CRX: variants seen among roughly 807,000 people sequenced by gnomAD.
CRX encodes the protein cone-rod homeobox, also known as cone-rod homeobox protein.
Under a neutral mutation model 13.1 loss-of-function variants are expected in CRX, and 5 were observed. The ratio of observed to expected loss-of-function variants is 0.38; its 90% CI spans 0.20 to 0.80. CRX has a LOEUF of 0.80. Ranked by LOEUF, CRX falls within the 30% of genes least tolerant of loss-of-function variation. CRX has a pLI of 0.43. For missense variants in CRX, 351 were observed against 391.8 expected (o/e 0.90, Z 0.88); for synonymous variants, 179 against 171.1 (o/e 1.05, Z -0.36).
chr19:47,842,718 GAT>G lies in CRX; in HGVS notation c.*2752_*2753del. On this transcript the variant is annotated 3_prime_UTR_variant, in exon 4 of 4. Coordinates refer to ENST00000221996, the MANE Select transcript of CRX (RefSeq NM_000554.6). ...ACAAAATTCACACGGGAGGGGCAGG[GAT>G]GAGACAATATTGTGCCCTGGGTCTG... 6.6e-6 allele frequency: 1 copy of G among 152,392 alleles called. No homozygotes were observed. The highest frequency in any genetic ancestry group is 2.1e-4 in the South Asian group (1 of 4,816). The allele number at this position is 152,392 out of a possible 1,614,324, so 9.4% of individuals were successfully genotyped here.
chr19:47,829,611 G>A (rs1279612675), intron 1 of CRX, among the ~76,000 whole-genome samples: 2 of 152,012 alleles, frequency 1.3e-5, no homozygotes, highest in East Asian at 1.9e-4. Context: ...CATTACAGGC[G>A]TGAGCAACTG....
chr19:47,840,280 GAAGTCA>G lies in CRX; in HGVS notation c.*316_*321del, dbSNP rs1968178676. The G allele has an allele frequency of 2.7e-6, 1 of 363,656 alleles. No homozygotes were observed. Among genetic ancestry groups the G allele is most frequent in the African/African-American group, 2.0e-5 (1 of 48,854 alleles). 22.5% of individuals were successfully genotyped at this position (363,656 alleles called of 1,614,324 possible). On this transcript the variant is annotated 3_prime_UTR_variant, in exon 4 of 4. Coordinates refer to ENST00000221996, the MANE Select transcript of CRX (RefSeq NM_000554.6). Reference sequence around the variant, plus strand: ...TGGTGCTGAGAACTTGCTCCAAGAAGAAGTCAAACCAAACTTGCAGTTGATTTGGGG... The same window carrying G: ...TGGTGCTGAGAACTTGCTCCAAGAAGAACCAAACTTGCAGTTGATTTGGGG...
chr19:47,831,715 GTC>G (rs1968048597), intron 1 of CRX, among the ~76,000 whole-genome samples: 1 of 152,032 alleles, frequency 6.6e-6, no homozygotes, highest in Non-Finnish European at 1.5e-5. Context: ...AGCTTTTTTT[GTC>G]TTATTGCCGA....
At chr19:47,836,796 T>G (rs1968122750) in intron 3 of CRX, among the ~76,000 whole-genome samples, 1 of 152,236 alleles carries the variant, frequency 6.6e-6, no homozygotes, top group Non-Finnish European at 1.5e-5. Flanking sequence ...TCTGTTTATT[T>G]AGACTCTGTC....
At chr19:47,824,662 T>A (rs77801896) in intron 1 of CRX, among the ~76,000 whole-genome samples, 22,363 of 152,040 alleles carry the variant, frequency 0.15, 1,732 homozygotes, top group Middle Eastern at 0.18. Context: ...AGAATGGAGT[T>A]ATCTGCATGT....
chr19:47,822,306 G>T (rs1265855912), intron 1 of CRX, among the ~76,000 whole-genome samples: 5 of 152,154 alleles, frequency 3.3e-5, no homozygotes, highest in African/African-American at 1.2e-4. Context: ...GACGGCATCC[G>T]GGGTTGGGGG....
Position 47,839,336 on chromosome 19 carries a change from G to A in CRX, c.269G>A (p.Arg90Gln), listed in dbSNP as rs1209634994. The change falls in exon 4 of 4, where the codon CGG becomes CAG. Residue 90 changes from arginine (R) to glutamine (Q), a missense_variant. Arg to Gln is a conservative substitution (Grantham distance 43). Coordinates refer to ENST00000221996, the MANE Select transcript of CRX (RefSeq NM_000554.6). The surrounding 1 kb of genome is among the most constrained non-coding windows in gnomAD (Gnocchi z 4.6). ...ESRVQVWFKNRRAKCRQQRQQ... is the reference protein window; with the variant it reads ...ESRVQVWFKNQRAKCRQQRQQ... The stretch of plus-strand genomic sequence containing the variant: ...ATCCCCCAGGTTTGGTTCAAGAACC[G>A]GAGGGCTAAATGCAGGCAGCAGCGA... The A allele has an allele frequency of 1.4e-5, 22 of 1,613,228 alleles. No individual in the cohort carries two copies. The highest frequency in any genetic ancestry group is 1.7e-5 in the Admixed American group (1 of 59,954).
Position 47,835,921 on chromosome 19 carries a change from C to A in CRX, c.101-322C>A, listed in dbSNP as rs550556447. Among the ~76,000 whole-genome samples, 6 of 152,242 alleles carry A rather than the reference C, an allele frequency of 3.9e-5. No individual in the cohort carries two copies. The East Asian group carries it at 1.2e-3, about 29-fold the overall frequency. On this transcript the variant is annotated intron_variant, in intron 2 of 3. Coordinates refer to ENST00000221996, the MANE Select transcript of CRX (RefSeq NM_000554.6). ...TAGGCGTGAGCCACCGCACCCAGCCCAGACTTGCTACTTTTATAGGCTAGA... is the reference window on the plus strand; with the variant it reads ...TAGGCGTGAGCCACCGCACCCAGCCAAGACTTGCTACTTTTATAGGCTAGA...
At chr19:47,826,059 T>C (rs1967971754) in intron 1 of CRX, among the ~76,000 whole-genome samples, 1 of 152,208 alleles carries the variant, frequency 6.6e-6, no homozygotes, top group Admixed American at 6.5e-5. Context: ...GTGTGTGCTT[T>C]TGTTCCAGGC....
chr19:47,842,128 T>TTTCCAGC lies in CRX; in HGVS notation c.*2161_*2162insTTCCAGC, dbSNP rs1968204802. On this transcript the variant is annotated 3_prime_UTR_variant, in exon 4 of 4. Coordinates refer to ENST00000221996, the MANE Select transcript of CRX (RefSeq NM_000554.6). ...CGAGATGTGAAGAGAGGCCGGGAGG[T>TTTCCAGC]ATCAGATGACGTTTCCAGCACTAGA... 1 of 152,278 alleles carries TTTCCAGC rather than the reference T, an allele frequency of 6.6e-6. No homozygotes were observed. The highest frequency in any genetic ancestry group is 1.5e-5 in the Non-Finnish European group (1 of 68,340). The allele number at this position is 152,278 out of a possible 1,614,324, so 9.4% of individuals were successfully genotyped here. A position where few individuals can be genotyped will look rare whatever the true frequency, so the allele number is the denominator to read the frequency against.
At chr19:47,826,645 T>TA (rs1447167922) in intron 1 of CRX, among the ~76,000 whole-genome samples, 2 of 152,174 alleles carry the variant, frequency 1.3e-5, no homozygotes, top group Non-Finnish European at 2.9e-5. Flanking sequence ...ATCATAGTAA[T>TA]ACAGTCTCTA....
At chr19:47,826,832 C>A (rs1299310149) in intron 1 of CRX, among the ~76,000 whole-genome samples, 1 of 152,170 alleles carries the variant, frequency 6.6e-6, no homozygotes, top group Non-Finnish European at 1.5e-5. Context: ...CTGGATTATT[C>A]CGGCTCAGGG....
intron 1 of CRX, among the ~76,000 whole-genome samples, chr19:47,823,361 A>C (rs1303106183): frequency 1.3e-5 from 2 of 152,188 alleles, no homozygotes; most frequent in Non-Finnish European, 2.9e-5. Flanking sequence ...CCACAGAGTG[A>C]GGTCCGACTT....
intron 1 of CRX, among the ~76,000 whole-genome samples, chr19:47,833,929 C>T (rs960681414): frequency 1.3e-5 from 2 of 151,938 alleles, no homozygotes; most frequent in Non-Finnish European, 2.9e-5. Context: ...GATCCTCCCA[C>T]CTCAGCCTCC....
chr19:47,832,635 A>T (rs1968066725), intron 1 of CRX, among the ~76,000 whole-genome samples: 1 of 149,358 alleles, frequency 6.7e-6, no homozygotes, highest in Admixed American at 6.7e-5. Context: ...ACAGGCGTGC[A>T]CCCCTGTGCC....
chr19:47,832,778 G>A (rs62128764), intron 1 of CRX, among the ~76,000 whole-genome samples: 16,981 of 152,104 alleles, frequency 0.11, 1,294 homozygotes, highest in Non-Finnish European at 0.16. Context: ...GAGCCACTGC[G>A]CCTGGCCCAT....
At chr19:47,829,991 C>T (rs1968024468) in intron 1 of CRX, among the ~76,000 whole-genome samples, 1 of 150,350 alleles carries the variant, frequency 6.7e-6, no homozygotes, top group South Asian at 2.1e-4. Flanking sequence ...TGCCCAGCAC[C>T]ATACTTGTTT....
chr19:47,826,179 A>G (rs540438214), intron 1 of CRX, among the ~76,000 whole-genome samples: 1 of 152,274 alleles, frequency 6.6e-6, no homozygotes, highest in East Asian at 1.9e-4. Flanking sequence ...GGACAGAGGG[A>G]ACCCAGGTTA....
At position 47,836,244 on chromosome 19, in the gene CRX, C is replaced by G. The variant is rs139778328; in HGVS notation, c.102C>G (p.Ser34Arg). Residue 34 changes from serine to arginine, a missense_variant and splice_region_variant, in exon 3 of 4, where the codon AGC (serine) becomes AGG (arginine). Coordinates refer to ENST00000221996, the MANE Select transcript of CRX (RefSeq NM_000554.6). The stretch of plus-strand genomic sequence containing the variant: ...GTCCTGTTTCCCATCCCACCCCAGG[C>G]GCCCCCAGGAAGCAGCGGCGGGAGC... ...DLMHQAVPYP[S>R]APRKQRRERT... 2 of 1,614,058 alleles carry G rather than the reference C, an allele frequency of 1.2e-6. No individual in the cohort carries two copies. The highest frequency in any genetic ancestry group is 1.7e-5 in the Admixed American group (1 of 60,002).
Sources: allele counts gnomAD v4.1 joint callset (sites outside exome capture counted in the v4.1 genomes callset), GRCh38; gene constraint gnomAD v4.1.1; non-coding constraint Gnocchi (gnomAD v3.1); transcripts MANE v1.5; gene names NCBI Gene and HGNC (gene_info 2026-07-23, HGNC 2026-07-21).